PLEKHM2: variants seen among roughly 807,000 people sequenced by gnomAD.
The protein encoded by PLEKHM2 is pleckstrin homology and RUN domain containing M2.
A neutral mutation model predicts 116.3 loss-of-function variants in PLEKHM2; 77 were observed. That is an observed-to-expected ratio of 0.66 (90% CI 0.55 to 0.80). The LOEUF (loss-of-function observed/expected upper bound fraction) is 0.80. Ranked by LOEUF, PLEKHM2 falls within the 30% of genes least tolerant of loss-of-function variation. PLEKHM2 has a pLI of 0.00. For missense variants in PLEKHM2, 1,183 were observed against 1,354.9 expected (o/e 0.87, Z 1.99); for synonymous variants, 562 against 571.0 (o/e 0.98, Z 0.22).
intron 1 of PLEKHM2, among the ~76,000 whole-genome samples, chr1:15,692,114 G>A (rs1640900663): frequency 6.6e-6 from 1 of 151,472 alleles, no homozygotes. Context: ...CCCTGTCTCG[G>A]CGGGGGAAAA....
At chr1:15,726,240 A>G (rs911942728) in intron 8 of PLEKHM2, among the ~76,000 whole-genome samples, 1 of 152,222 alleles carries the variant, frequency 6.6e-6, no homozygotes, top group African/African-American at 2.4e-5. Context: ...AAAGAAAAGT[A>G]TCTTTGTCAT....
At chr1:15,724,964 C>T (rs1407014643) in intron 7 of PLEKHM2, among the ~76,000 whole-genome samples, 1 of 152,158 alleles carries the variant, frequency 6.6e-6, no homozygotes, top group Non-Finnish European at 1.5e-5. Flanking sequence ...CTCTCTAGGG[C>T]TCCCAGCCAC....
Position 15,718,003 on chromosome 1 carries a change from G to C in PLEKHM2, c.377+11G>C. ...TAAGTACTACGTCAAGTGAGTGTCT[G>C]GGACGGTCTGTCTCCCCTAGCCTCA... On this transcript the variant is annotated intron_variant, in intron 4 of 19. Coordinates refer to ENST00000375799, the MANE Select transcript of PLEKHM2 (RefSeq NM_015164.4). 6.5e-7 allele frequency: 1 copy of C among 1,540,138 alleles called. No individual in the cohort carries two copies.
intron 7 of PLEKHM2, among the ~76,000 whole-genome samples, chr1:15,724,628 C>T (rs766654919): frequency 3.3e-4 from 51 of 152,294 alleles, no homozygotes; most frequent in Admixed American, 1.8e-3. Context: ...TTTGCCCCTT[C>T]GCACCTTGCT....
intron 1 of PLEKHM2, among the ~76,000 whole-genome samples, chr1:15,712,705 A>G (rs957882534): frequency 6.9e-6 from 1 of 143,976 alleles, no homozygotes; most frequent in Non-Finnish European, 1.5e-5. Context: ...CAGTGGTGCC[A>G]TTACAGCTCA....
rs745835546 is a variant in PLEKHM2 at position 15,727,453 on chromosome 1, C to T, written c.1381C>T (p.Pro461Ser). Reference sequence around the variant, plus strand: ...CGACTTTAGTGAGGGGCTTTCAGCCCCAATGGACTTCTACCGCTTTACCGT... The same window carrying T: ...CGACTTTAGTGAGGGGCTTTCAGCCTCAATGGACTTCTACCGCTTTACCGT... ...LCDFSEGLSAPMDFYRFTVES... is the reference protein window; with the variant it reads ...LCDFSEGLSASMDFYRFTVES... The change falls in exon 9 of 20, where the codon CCA becomes TCA. Residue 461 changes from proline (P) to serine (S), a missense_variant. Physicochemically the swap from Pro to Ser is moderately conservative, Grantham distance 74. Transcript: ENST00000375799. This position sits in a 1 kb window ranked among gnomAD's most constrained non-coding sequence, Gnocchi z 7.5. The T allele has an allele frequency of 6.2e-7, 1 of 1,604,944 alleles. No individual in the cohort carries two copies. The highest frequency in any genetic ancestry group is 1.7e-5 in the Admixed American group (1 of 58,832).
chr1:15,731,706 G>A (rs751521414), intron 16 of PLEKHM2, among the ~76,000 whole-genome samples, 183 bp from the exon 17 acceptor site: 40 of 152,244 alleles, frequency 2.6e-4, no homozygotes, highest in African/African-American at 7.7e-4. Flanking sequence ...ACAGCAAGGC[G>A]GTGGGTGGGG....
In PLEKHM2 at chr1:15,727,402, G is replaced by T. The variant is rs773770696; in HGVS notation, c.1330G>T (p.Asp444Tyr). 7 of 1,604,464 alleles carry T rather than the reference G, an allele frequency of 4.4e-6. No homozygotes were observed. Among genetic ancestry groups the T allele is most frequent in the Middle Eastern group, 1.7e-4 (1 of 6,044 alleles). ...DQSFRTGSPG[D>Y]APERPPLCDF... The stretch of plus-strand genomic sequence containing the variant: ...GTCCTTTCGGACCGGCTCTCCCGGG[G>T]ATGCCCCGGAGAGGCCGCCGCTTTG... Residue 444 changes from aspartate to tyrosine, a missense_variant, in exon 9 of 20, where the codon GAT becomes TAT. Coordinates refer to ENST00000375799, the MANE Select transcript of PLEKHM2 (RefSeq NM_015164.4). The surrounding 1 kb of genome is among the most constrained non-coding windows in gnomAD (Gnocchi z 7.5).
intron 3 of PLEKHM2, 99 bp from the exon 4 acceptor site, chr1:15,717,794 C>T (rs1641476044): frequency 5.3e-6 from 4 of 748,638 alleles, no homozygotes; most frequent in Admixed American, 2.1e-5. Flanking sequence ...GTGCCTGGTC[C>T]CATTACCTGC....
At chr1:15,716,617 C>T (rs1641451477) in intron 2 of PLEKHM2, 90 bp from the exon 3 acceptor site, 1 of 1,343,138 alleles carries the variant, frequency 7.4e-7, no homozygotes, top group Non-Finnish European at 1.0e-6. Flanking sequence ...TCCATCACTT[C>T]CTGCCTTGCG....
intron 1 of PLEKHM2, among the ~76,000 whole-genome samples, chr1:15,689,540 T>A (rs1347703820): frequency 6.6e-6 from 1 of 152,186 alleles, no homozygotes; most frequent in African/African-American, 2.4e-5. Context: ...ACCATCTCGA[T>A]CCTGGCAGAT....
intron 1 of PLEKHM2, among the ~76,000 whole-genome samples, chr1:15,709,888 T>C (rs1218884943): frequency 6.6e-6 from 1 of 152,122 alleles, no homozygotes; most frequent in African/African-American, 2.4e-5. Flanking sequence ...AGACTCAATA[T>C]TGCAATATTA....
intron 7 of PLEKHM2, among the ~76,000 whole-genome samples, chr1:15,723,720 G>A (rs979038760): frequency 1.1e-4 from 16 of 139,972 alleles, no homozygotes; most frequent in African/African-American, 2.8e-4. Flanking sequence ...GCTCCAGTCC[G>A]AGCGACACAG....
intron 1 of PLEKHM2, among the ~76,000 whole-genome samples, chr1:15,695,770 C>T (rs935912997): frequency 2.0e-5 from 3 of 152,148 alleles, no homozygotes; most frequent in Non-Finnish European, 4.4e-5. Context: ...TCCCAAAGTG[C>T]TGGGATTACA....
At position 15,732,365 on chromosome 1, in the gene PLEKHM2, G is replaced by T. The variant is rs748768806; in HGVS notation, c.2641G>T (p.Val881Leu). The T allele has an allele frequency of 6.4e-7, 1 of 1,554,394 alleles. No homozygotes were observed. The highest frequency in any genetic ancestry group is 8.7e-7 in the Non-Finnish European group (1 of 1,149,054). The part of the protein sequence containing the change: ...AVSKGVIPQG[V>L]APSPCIPCCL... The stretch of plus-strand genomic sequence containing the variant: ...CCGCTGCCAGGTCATCCCCCAGGGC[G>T]TAGCTCCCAGCCCCTGCATACCCTG... Residue 881 changes from valine (V) to leucine (L), a missense_variant, in exon 18 of 20, where the codon GTA becomes TTA. Coordinates refer to ENST00000375799, the MANE Select transcript of PLEKHM2 (RefSeq NM_015164.4).
chr1:15,727,477 G>C lies in PLEKHM2; in HGVS notation c.1405G>C (p.Val469Leu). The C allele has an allele frequency of 6.3e-7, 1 of 1,599,486 alleles. No individual in the cohort carries two copies. Among genetic ancestry groups the C allele is most frequent in the Non-Finnish European group, 8.5e-7 (1 of 1,173,692 alleles). ...SAPMDFYRFTVESPSTVTSGG... is the reference protein window; with the variant it reads ...SAPMDFYRFTLESPSTVTSGG... ...CCCAATGGACTTCTACCGCTTTACCGTCGAGAGTCCAAGCACTGTTACATC... is the reference window on the plus strand; with the variant it reads ...CCCAATGGACTTCTACCGCTTTACCCTCGAGAGTCCAAGCACTGTTACATC... Residue 469 changes from valine (V) to leucine (L), a missense_variant, in exon 9 of 20, where the codon GTC becomes CTC. Around this residue, in one of 3 missense-constraint regions of PLEKHM2, gnomAD observed 372 missense variants for 357.2 expected, o/e 1.04. Transcript: ENST00000375799. The surrounding 1 kb of genome is among the most constrained non-coding windows in gnomAD (Gnocchi z 7.5).
At chr1:15,724,282 A>G (rs2068032079) in intron 7 of PLEKHM2, among the ~76,000 whole-genome samples, 1 of 152,178 alleles carries the variant, frequency 6.6e-6, no homozygotes, top group Non-Finnish European at 1.5e-5. Context: ...CAGGAGATCG[A>G]GACCATCCTG....
In PLEKHM2 at chr1:15,730,595, C is replaced by T. The variant is rs2068127859; in HGVS notation, c.2272C>T (p.Leu758=). ...VHWEDPTDES[L]GPTPCHCSPP... ...CTGGGAGGACCCCACAGACGAGTCCCTGGGCCCCACGCCCTGCCACTGCTC... is the reference window on the plus strand; with the variant it reads ...CTGGGAGGACCCCACAGACGAGTCCTTGGGCCCCACGCCCTGCCACTGCTC... Residue 758 remains leucine, a synonymous_variant, in exon 15 of 20, where the codon CTG becomes TTG. Transcript: ENST00000375799. The T allele has an allele frequency of 2.5e-6, 4 of 1,606,120 alleles. No homozygotes were observed. The South Asian group carries it at 4.5e-5, about 18-fold the overall frequency.
chr1:15,732,329 T>C, intron 17 of PLEKHM2, 21 bp from the exon 18 acceptor site: 1 of 1,542,736 alleles, frequency 6.5e-7, no homozygotes, highest in Non-Finnish European at 8.8e-7. Context: ...CCAGCCTGCC[T>C]CTCCCCTGCC....
Sources: gnomAD v4.1 joint callset for allele counts (sites outside exome capture counted in the v4.1 genomes callset) on GRCh38, gnomAD v4.1.1 for gene constraint, gnomAD v4.1.1 regional missense constraint, Gnocchi (gnomAD v3.1) non-coding constraint, MANE v1.5 for transcripts, NCBI Gene and HGNC (gene_info 2026-07-23, HGNC 2026-07-21) for gene names.